Variants in FOXN3 observed in about 807,000 individuals in gnomAD.
FOXN3 encodes the protein forkhead box N3, also known as forkhead box protein N3.
Under a neutral mutation model 38.4 loss-of-function variants are expected in FOXN3, and 7 were observed. The observed-to-expected ratio is 0.18, with a 90% CI of 0.10 to 0.34. FOXN3 has a LOEUF of 0.34. Among genes scored for constraint, FOXN3 ranks in the 10% least tolerant of loss-of-function variants. FOXN3 has a pLI of 1.00. For missense variants in FOXN3, 456 were observed against 613.4 expected, an observed-to-expected ratio of 0.74 and a Z score of 2.71; for synonymous variants, 230 against 242.2, an observed-to-expected ratio of 0.95 and a Z score of 0.47.
upstream of FOXN3, chr14:89,419,431 G>A (rs566684478): frequency 3.1e-6 from 1 of 321,438 alleles, no homozygotes; most frequent in East Asian, 8.0e-5. Context: ...CTTTCAGAAA[G>A]GACCCTTGCG....
intron 2 of FOXN3, among the ~76,000 whole-genome samples, chr14:89,391,965 C>T (rs1890959844): frequency 6.6e-6 from 1 of 152,158 alleles, no homozygotes; most frequent in South Asian, 2.1e-4. Context: ...TGAGATGGCA[C>T]CACTGCAATC....
At chr14:89,586,806 C>T (rs1005504505) in intron 1 of FOXN3, among the ~76,000 whole-genome samples, 4 of 152,146 alleles carry the variant, frequency 2.6e-5, no homozygotes, top group African/African-American at 9.7e-5. Context: ...GATTCATTTG[C>T]TGAAAGACCC....
chr14:89,322,110 T>C (rs1887914281), intron 3 of FOXN3, among the ~76,000 whole-genome samples: 1 of 152,248 alleles, frequency 6.6e-6, no homozygotes, highest in Non-Finnish European at 1.5e-5. Context: ...CCCGGCTTGC[T>C]GCCGTTGCTC....
chr14:89,311,524 A>G (rs1887547623), intron 3 of FOXN3, among the ~76,000 whole-genome samples: 1 of 146,500 alleles, frequency 6.8e-6, no homozygotes, highest in Admixed American at 6.9e-5. Flanking sequence ...ATGGGATACT[A>G]GCATAAAACT....
intron 5 of FOXN3, among the ~76,000 whole-genome samples, chr14:89,169,751 T>C (rs1210147916): frequency 1.3e-5 from 2 of 151,866 alleles, no homozygotes; most frequent in African/African-American, 4.8e-5. Flanking sequence ...AAAAACAGAA[T>C]GGGTAACTTC....
intron 3 of FOXN3, among the ~76,000 whole-genome samples, chr14:89,312,914 T>G (rs1887603303): frequency 6.6e-6 from 1 of 152,162 alleles, no homozygotes; most frequent in Admixed American, 6.5e-5. Context: ...AACCACCACC[T>G]TCTACAGAAA....
At chr14:89,403,379 G>A (rs955216695) in intron 2 of FOXN3, among the ~76,000 whole-genome samples, 2 of 152,006 alleles carry the variant, frequency 1.3e-5, no homozygotes, top group African/African-American at 4.8e-5. Flanking sequence ...TGTATTTTTT[G>A]TAGAGACAGG....
intron 3 of FOXN3, among the ~76,000 whole-genome samples, chr14:89,331,577 C>T (rs992712920): frequency 9.2e-5 from 14 of 152,216 alleles, no homozygotes; most frequent in Admixed American, 4.6e-4. Context: ...CTGTTACTAA[C>T]TCCCCGTGTG....
intron 1 of FOXN3, among the ~76,000 whole-genome samples, chr14:89,439,263 GA>G (rs1382873150): frequency 1.3e-5 from 2 of 152,162 alleles, no homozygotes; most frequent in Non-Finnish European, 2.9e-5. Context: ...TCATGAATAG[GA>G]GCTGGGTAAA....
At chr14:89,211,452 G>A (rs1328053694) in intron 4 of FOXN3, among the ~76,000 whole-genome samples, 1 of 152,210 alleles carries the variant, frequency 6.6e-6, no homozygotes, top group Non-Finnish European at 1.5e-5. Flanking sequence ...ACCATGGCTT[G>A]CTGATGACCA....
chr14:89,377,312 A>AAAATAAATAAATAAATAAAT (rs34397438), intron 2 of FOXN3, among the ~76,000 whole-genome samples: 125 of 149,756 alleles, frequency 8.3e-4, no homozygotes, highest in African/African-American at 2.8e-3. Flanking sequence ...ATGCTGGTAA[A>AAAATAAATAAATAAATAAAT]AAATAAATAA....
At chr14:89,286,116 C>T (rs1221686511) in intron 3 of FOXN3, among the ~76,000 whole-genome samples, 1 of 150,986 alleles carries the variant, frequency 6.6e-6, no homozygotes, top group Non-Finnish European at 1.5e-5. Context: ...AGTGATCTGC[C>T]CACTTCAACA....
At chr14:89,422,123 C>T (rs577099162), upstream of FOXN3, among the ~76,000 whole-genome samples, 2 of 152,334 alleles carry the variant, frequency 1.3e-5, no homozygotes, top group African/African-American at 4.8e-5. Flanking sequence ...CTTCCGGCTT[C>T]GGCCTCCCAA....
At chr14:89,383,022 G>C (rs1890694065) in intron 2 of FOXN3, among the ~76,000 whole-genome samples, 1 of 141,324 alleles carries the variant, frequency 7.1e-6, no homozygotes, top group Admixed American at 7.5e-5. Flanking sequence ...GCACAGTTTT[G>C]GGTGGTGTTT....
intron 2 of FOXN3, among the ~76,000 whole-genome samples, chr14:89,395,841 A>G (rs1266186517): frequency 1.3e-5 from 2 of 152,152 alleles, no homozygotes; most frequent in African/African-American, 4.8e-5. Context: ...AAAGTAAGTC[A>G]AAGAACCAAA....
At chr14:89,613,635 A>G (rs1232117745) in intron 1 of FOXN3, among the ~76,000 whole-genome samples, 2 of 152,094 alleles carry the variant, frequency 1.3e-5, no homozygotes, top group Admixed American at 1.3e-4. Context: ...TTTTTTTCCC[A>G]GCACAAATTG....
At chr14:89,547,188 T>C (rs1374009667) in intron 1 of FOXN3, among the ~76,000 whole-genome samples, 2 of 152,334 alleles carry the variant, frequency 1.3e-5, no homozygotes, top group South Asian at 4.1e-4. Flanking sequence ...AGTCACTGTA[T>C]GTTTTGTGCT....
intron 2 of FOXN3, among the ~76,000 whole-genome samples, chr14:89,370,957 T>C (rs1890301287): frequency 6.6e-6 from 1 of 151,648 alleles, no homozygotes; most frequent in African/African-American, 2.4e-5. Context: ...AGTGCAGCGG[T>C]TCCCCAACAC....
intron 3 of FOXN3, among the ~76,000 whole-genome samples, chr14:89,289,476 C>A (rs553593358): frequency 6.6e-6 from 1 of 152,124 alleles, no homozygotes; most frequent in Admixed American, 6.5e-5. Context: ...GGCAACACTG[C>A]GAGGTACTAC....
Sources: gnomAD v4.1 joint callset for allele counts (sites outside exome capture counted in the v4.1 genomes callset) on GRCh38, gnomAD v4.1.1 for gene constraint, MANE v1.5 for transcripts, NCBI Gene and HGNC (gene_info 2026-07-23, HGNC 2026-07-21) for gene names.